Variants in OXCT1 observed in about 807,000 individuals in gnomAD.
The protein encoded by OXCT1 is succinyl-CoA:3-ketoacid coenzyme A transferase 1, mitochondrial.
A neutral mutation model predicts 69.6 loss-of-function variants in OXCT1; 27 were observed. The ratio of observed to expected loss-of-function variants is 0.39; its 90% CI spans 0.29 to 0.54. The LOEUF is 0.54. Ranked by LOEUF, OXCT1 falls within the 20% of genes least tolerant of loss-of-function variation. The probability of loss-of-function intolerance (pLI) is 0.72; values close to 1 mark genes in which losing one functional copy is unlikely to be tolerated. For synonymous variants in OXCT1, 202 were observed against 217.8 expected (o/e 0.93, Z 0.64); for missense variants, 437 against 650.2 (o/e 0.67, Z 3.57).
At chr5:41,851,875 G>A (rs944245184) in intron 4 of OXCT1, among the ~76,000 whole-genome samples, 3 of 152,214 alleles carry the variant, frequency 2.0e-5, no homozygotes, top group East Asian at 3.9e-4. Context: ...GCTATGGACC[G>A]AACTGTGTTC....
intron 5 of OXCT1, among the ~76,000 whole-genome samples, chr5:41,845,747 A>G (rs552904518): frequency 6.6e-6 from 1 of 152,194 alleles, no homozygotes; most frequent in Non-Finnish European, 1.5e-5. Flanking sequence ...GCAAGCTATC[A>G]AAGTATTTAT....
At chr5:41,787,498 A>G (rs1210348969) in intron 13 of OXCT1, among the ~76,000 whole-genome samples, 1 of 152,092 alleles carries the variant, frequency 6.6e-6, no homozygotes, top group Non-Finnish European at 1.5e-5. Flanking sequence ...AATACCAGAA[A>G]GGAGGTCATT....
intron 16 of OXCT1, among the ~76,000 whole-genome samples, chr5:41,734,558 A>G (rs1742794744): frequency 6.6e-6 from 1 of 152,236 alleles, no homozygotes; most frequent in Admixed American, 6.5e-5. Flanking sequence ...GCCAAAAAAT[A>G]AAGAAATTTG....
At chr5:41,742,198 G>T (rs1743203284) in intron 15 of OXCT1, among the ~76,000 whole-genome samples, 1 of 152,090 alleles carries the variant, frequency 6.6e-6, no homozygotes, top group Non-Finnish European at 1.5e-5. Context: ...ATCTTAATTA[G>T]ATATATTAGA....
intron 8 of OXCT1, 85 bp downstream of exon 8, chr5:41,807,246 T>C (rs1400167341): frequency 1.3e-6 from 1 of 782,536 alleles, no homozygotes; most frequent in Non-Finnish European, 2.3e-6. Context: ...TCAGCTCTAG[T>C]TCCCCATCAT....
chr5:41,861,293 G>A (rs769137134), intron 3 of OXCT1, 21 bp downstream of exon 3: 1 of 1,472,388 alleles, frequency 6.8e-7, no homozygotes, highest in Non-Finnish European at 9.5e-7. Flanking sequence ...CCAGCCAATT[G>A]TTTTTAAAAT....
intron 15 of OXCT1, among the ~76,000 whole-genome samples, chr5:41,746,223 C>T (rs1743482232): frequency 6.6e-6 from 1 of 152,122 alleles, no homozygotes; most frequent in Non-Finnish European, 1.5e-5. Context: ...GGGCTTCATC[C>T]CTGGGATGCA....
chr5:41,774,110 T>G (rs1170385724), intron 13 of OXCT1, among the ~76,000 whole-genome samples: 1 of 152,240 alleles, frequency 6.6e-6, no homozygotes. Flanking sequence ...GTGTAATTGC[T>G]AAAATGTCAC....
intron 13 of OXCT1, among the ~76,000 whole-genome samples, chr5:41,793,285 G>A (rs995863301): frequency 3.3e-5 from 5 of 152,148 alleles, no homozygotes; most frequent in African/African-American, 7.2e-5. Context: ...AAGAGCAACC[G>A]GGCTACCAGC....
chr5:41,801,857 T>C (rs2112259873), intron 10 of OXCT1, among the ~76,000 whole-genome samples: 1 of 152,156 alleles, frequency 6.6e-6, no homozygotes, highest in Non-Finnish European at 1.5e-5. Context: ...GAATATCACA[T>C]ATATTCGATG....
At chr5:41,808,850 T>C (rs192486401) in intron 7 of OXCT1, among the ~76,000 whole-genome samples, 21 of 152,180 alleles carry the variant, frequency 1.4e-4, no homozygotes, top group Admixed American at 1.3e-3. Flanking sequence ...TTCACATCTT[T>C]CCATATTCAG....
chr5:41,759,047 T>C (rs1416464429), intron 14 of OXCT1, among the ~76,000 whole-genome samples: 1 of 149,746 alleles, frequency 6.7e-6, no homozygotes, highest in Non-Finnish European at 1.5e-5. Flanking sequence ...ATATTGCTGA[T>C]GTAAGTCTCA....
At position 41,773,441 on chromosome 5, in the gene OXCT1, A is replaced by T. The variant is rs572348668; in HGVS notation, c.1249-11241T>A. Among the ~76,000 whole-genome samples, 270 of 151,996 alleles carry T rather than the reference A, an allele frequency of 1.8e-3. 3 individuals are homozygous for T. Among genetic ancestry groups the T allele is most frequent in the African/African-American group, 6.1e-3 (252 of 41,488 alleles). On this transcript the variant is annotated intron_variant, in intron 13 of 16. Transcript: ENST00000196371. ...AAAAAAAAAAAGAAAAAAGAAAAAA[A>T]AATTAATTAGCTGGGTGTGGTTGCA...
chr5:41,857,141 TCTC>T (rs1489087773), intron 3 of OXCT1, among the ~76,000 whole-genome samples: 1 of 152,090 alleles, frequency 6.6e-6, no homozygotes, highest in Non-Finnish European at 1.5e-5. Flanking sequence ...CATTTCTCAC[TCTC>T]TCCTTGGTAC....
intron 6 of OXCT1, among the ~76,000 whole-genome samples, chr5:41,842,288 GT>G (rs2112406381): frequency 1.3e-5 from 2 of 152,208 alleles, no homozygotes; most frequent in South Asian, 4.2e-4. Context: ...TCTTTCCAGA[GT>G]ATCAAATTAG....
rs183433006 is a variant in OXCT1, at chr5:41,807,457, C to A, written c.733-19G>T. 14 of 1,416,990 alleles carry A rather than the reference C, an allele frequency of 9.9e-6. No individual in the cohort carries two copies. The East Asian group carries it at 2.5e-4, about 25-fold the overall frequency. The allele number at this position is 1,416,990 out of a possible 1,614,324, so 87.8% of individuals were successfully genotyped here. A position where few individuals can be genotyped will look rare whatever the true frequency, so the allele number is the denominator to read the frequency against. ...CTTCAACCTAGACAAAGAGAAATTTCTTTCAAAGTTAGTGAAAGCTTAAAG... is the reference window on the plus strand; with the variant it reads ...CTTCAACCTAGACAAAGAGAAATTTATTTCAAAGTTAGTGAAAGCTTAAAG... On this transcript the variant is annotated intron_variant, in intron 7 of 16. Transcript: ENST00000196371.
At chr5:41,805,730 AT>A in intron 8 of OXCT1, 49 bp from the exon 9 acceptor site, 1 of 1,179,580 alleles carries the variant, frequency 8.5e-7, no homozygotes, top group Non-Finnish European at 1.3e-6. Flanking sequence ...TATGCTTTGT[AT>A]TTTATCACTG....
At chr5:41,841,366 G>T (rs1748618568) in intron 6 of OXCT1, among the ~76,000 whole-genome samples, 1 of 152,144 alleles carries the variant, frequency 6.6e-6, no homozygotes, top group African/African-American at 2.4e-5. Flanking sequence ...TTCACAAGTT[G>T]CTGGGTTAGA....
At chr5:41,775,846 CAGTGTCAGG>C (rs2112157811) in intron 13 of OXCT1, among the ~76,000 whole-genome samples, 1 of 152,214 alleles carries the variant, frequency 6.6e-6, no homozygotes, top group East Asian at 1.9e-4. Flanking sequence ...TTTAGAAGCT[CAGTGTCAGG>C]AACTGGGGAT....
Sources: allele counts gnomAD v4.1 joint callset (sites outside exome capture counted in the v4.1 genomes callset), GRCh38; gene constraint gnomAD v4.1.1; transcripts MANE v1.5; gene names NCBI Gene and HGNC (gene_info 2026-07-23, HGNC 2026-07-21).